Variants in GOLIM4 observed in about 807,000 individuals in gnomAD.
GOLIM4 encodes the protein 130 kDa golgi-localized phosphoprotein.
In GOLIM4, 71 loss-of-function variants were observed where a neutral mutation model predicts 107.4. That is an observed-to-expected ratio of 0.66 (90% confidence interval 0.55 to 0.81). GOLIM4 has a LOEUF of 0.81. Ranked by LOEUF, GOLIM4 falls within the 30% of genes least tolerant of loss-of-function variation. The pLI is 0.00. For synonymous variants in GOLIM4, 327 were observed against 294.8 expected (o/e 1.11, Z -1.12); for missense variants, 830 against 826.1 (o/e 1.00, Z -0.06).
At chr3:168,041,102 C>G (rs1052322392) in intron 6 of GOLIM4, 13 of 494,348 alleles carry the variant, frequency 2.6e-5, no homozygotes, top group Admixed American at 1.5e-4. Context: ...AAATCAAAAC[C>G]AAAGAAACAA....
intron 9 of GOLIM4, among the ~76,000 whole-genome samples, chr3:168,031,196 G>T (rs1380191106): frequency 1.3e-5 from 2 of 152,114 alleles, no homozygotes; most frequent in Admixed American, 6.5e-5. Flanking sequence ...TGGGAAGGGG[G>T]ATGAAGAGAG....
In GOLIM4 at chr3:168,029,306, C is replaced by A. The variant is rs1247991145; in HGVS notation, c.1434-4G>T. 1.9e-6 allele frequency: 3 copies of A among 1,585,540 alleles called. No individual in the cohort carries two copies. The highest frequency in any genetic ancestry group is 2.3e-5 in the South Asian group (2 of 88,400). ...AGCATCATAATGAGCTTGCTGCCTA[C>A]AAGAGACACAAACATGATAAATCCA... On this transcript the variant is annotated splice_polypyrimidine_tract_variant and splice_region_variant and intron_variant, in intron 10 of 15. Coordinates refer to ENST00000470487, the MANE Select transcript of GOLIM4 (RefSeq NM_014498.5).
chr3:168,039,713 C>T (rs943778637), intron 7 of GOLIM4, among the ~76,000 whole-genome samples: 2 of 152,150 alleles, frequency 1.3e-5, no homozygotes, highest in African/African-American at 4.8e-5. Flanking sequence ...GCCGTTACAG[C>T]ACACAGAGCA....
In GOLIM4 at chr3:168,032,752, T is replaced by C. The variant is rs1718406019; in HGVS notation, c.944A>G (p.Gln315Arg). 1.2e-6 allele frequency: 2 copies of C among 1,613,688 alleles called. No individual in the cohort carries two copies. Among genetic ancestry groups the C allele is most frequent in the Non-Finnish European group, 1.7e-6 (2 of 1,179,584 alleles). Reference sequence around the variant, plus strand: ...TTGTTGGATTGGCTCTGGGGGAGCCTGAAATTCTGCCTCCTTATGGGTGGG... The same window carrying C: ...TTGTTGGATTGGCTCTGGGGGAGCCCGAAATTCTGCCTCCTTATGGGTGGG... ...YAPTHKEAEF[Q>R]APPEPIQQEV... Residue 315 changes from glutamine to arginine, a missense_variant, in exon 9 of 16, where the codon CAG becomes CGG. Gln to Arg is a conservative substitution (Grantham distance 43). Transcript: ENST00000470487.
chr3:168,041,315 G>T, intron 6 of GOLIM4, 77 bp downstream of exon 6: 1 of 825,014 alleles, frequency 1.2e-6, no homozygotes, highest in South Asian at 1.5e-5. Flanking sequence ...AGGCCAATTA[G>T]GGAATGACTT....
intron 3 of GOLIM4, among the ~76,000 whole-genome samples, chr3:168,046,408 G>A (rs575755164): frequency 6.6e-6 from 1 of 152,178 alleles, no homozygotes; most frequent in South Asian, 2.1e-4. Flanking sequence ...ATAAACAAGT[G>A]AACAAAGGTC....
At chr3:168,072,791 A>G (rs936918190) in intron 1 of GOLIM4, among the ~76,000 whole-genome samples, 1 of 152,148 alleles carries the variant, frequency 6.6e-6, no homozygotes, top group African/African-American at 2.4e-5. Context: ...AGAAGCTAAC[A>G]ACAGCAAATA....
At chr3:168,052,627 T>C (rs1044316593) in intron 1 of GOLIM4, among the ~76,000 whole-genome samples, 3 of 152,182 alleles carry the variant, frequency 2.0e-5, no homozygotes, top group African/African-American at 4.8e-5. Context: ...AAAACTTCAC[T>C]ATTAAGCACA....
chr3:168,049,157 A>T (rs1055046525), intron 1 of GOLIM4, among the ~76,000 whole-genome samples: 1 of 152,142 alleles, frequency 6.6e-6, no homozygotes, highest in Non-Finnish European at 1.5e-5. Context: ...GGAAGAGCAG[A>T]CATGTCTGGC....
chr3:168,038,226 G>A (rs923513027), intron 7 of GOLIM4, among the ~76,000 whole-genome samples: 1 of 152,132 alleles, frequency 6.6e-6, no homozygotes, highest in Admixed American at 6.5e-5. Flanking sequence ...AACTTTGGAG[G>A]TAAAAAATAA....
chr3:168,020,490 G>T (rs1717618506), intron 14 of GOLIM4, among the ~76,000 whole-genome samples: 1 of 152,134 alleles, frequency 6.6e-6, no homozygotes, highest in Admixed American at 6.5e-5. Context: ...TAAGGGTCTG[G>T]TCCAGAAATC....
intron 15 of GOLIM4, 46 bp downstream of exon 15, chr3:168,010,697 C>T: frequency 7.4e-7 from 1 of 1,352,884 alleles, no homozygotes; most frequent in Non-Finnish European, 1.1e-6. Context: ...ACATGCACAC[C>T]CACAAACACT....
Position 168,032,801 on chromosome 3 carries a change from C to A in GOLIM4, c.895G>T (p.Ala299Ser). The A allele has an allele frequency of 6.2e-7, 1 of 1,614,120 alleles. No homozygotes were observed. The highest frequency in any genetic ancestry group is 8.5e-7 in the Non-Finnish European group (1 of 1,180,010). Residue 299 changes from alanine (A) to serine (S), a missense_variant, in exon 9 of 16, where the codon GCA (alanine) becomes TCA (serine). By Grantham distance (99) the Ala-to-Ser change is moderately conservative (BLOSUM62 1). Coordinates refer to ENST00000470487, the MANE Select transcript of GOLIM4 (RefSeq NM_014498.5). ...WQNHEAVPGRAEDTKLYAPTH... is the reference protein window; with the variant it reads ...WQNHEAVPGRSEDTKLYAPTH... ...GGAGCATAGAGTTTTGTGTCTTCTG[C>A]TCTTCCAGGAACTGCTTCATGGTTC...
intron 14 of GOLIM4, among the ~76,000 whole-genome samples, chr3:168,022,667 C>T (rs766457580): frequency 1.3e-5 from 2 of 152,094 alleles, no homozygotes; most frequent in Non-Finnish European, 2.9e-5. Context: ...AAGGGACACT[C>T]GGGGGCAGAG....
At chr3:168,011,522 C>T (rs1397847594) in intron 14 of GOLIM4, among the ~76,000 whole-genome samples, 1 of 151,814 alleles carries the variant, frequency 6.6e-6, no homozygotes, top group Non-Finnish European at 1.5e-5. Context: ...TGGGGAAGCT[C>T]CAACTGGGCG....
chr3:168,058,391 G>A (rs921609602), intron 1 of GOLIM4, among the ~76,000 whole-genome samples: 3 of 152,138 alleles, frequency 2.0e-5, no homozygotes, highest in African/African-American at 7.2e-5. Flanking sequence ...TCTTCATGCT[G>A]TTCTTTTTGG....
At chr3:168,017,192 A>T (rs1156527931) in intron 14 of GOLIM4, among the ~76,000 whole-genome samples, 1 of 152,192 alleles carries the variant, frequency 6.6e-6, no homozygotes, top group Admixed American at 6.5e-5. Context: ...TTAGCTTGTA[A>T]AATCAAAAAT....
At chr3:168,055,695 G>A (rs571493624) in intron 1 of GOLIM4, among the ~76,000 whole-genome samples, 7 of 151,898 alleles carry the variant, frequency 4.6e-5, no homozygotes, top group South Asian at 2.1e-4. Context: ...CCAGCTACTC[G>A]GGAGGCTGAG....
chr3:168,038,602 C>CA (rs1425389487), intron 7 of GOLIM4, among the ~76,000 whole-genome samples: 1 of 152,092 alleles, frequency 6.6e-6, no homozygotes, highest in African/African-American at 2.4e-5. Flanking sequence ...TAAAAGGGTA[C>CA]AATATTATAT....
Sources: gnomAD v4.1 joint callset for allele counts (sites outside exome capture counted in the v4.1 genomes callset) on GRCh38, gnomAD v4.1.1 for gene constraint, MANE v1.5 for transcripts, NCBI Gene and HGNC (gene_info 2026-07-23, HGNC 2026-07-21) for gene names.